Variants in UBE2W observed in about 807,000 individuals in gnomAD.
The protein encoded by UBE2W is ubiquitin-conjugating enzyme E2 W.
UBE2W carries 18 observed loss-of-function variants against 27.2 expected under a neutral mutation model. The observed-to-expected ratio is 0.66, with a 90% CI of 0.46 to 0.98. The LOEUF is 0.98. Ranked by LOEUF, UBE2W falls within the 50% of genes least tolerant of loss-of-function variation. The probability of loss-of-function intolerance (pLI) is 0.00; values close to 1 mark genes in which losing one functional copy is unlikely to be tolerated. For missense variants in UBE2W, 90 were observed against 180.2 expected, an observed-to-expected ratio of 0.50 and a Z score of 2.87; for synonymous variants, 53 against 57.2, an observed-to-expected ratio of 0.93 and a Z score of 0.33.
intron 3 of UBE2W, among the ~76,000 whole-genome samples, chr8:73,812,829 C>T (rs538879206): frequency 6.6e-6 from 1 of 151,808 alleles, no homozygotes; most frequent in Admixed American, 6.6e-5. Context: ...ATGGCGAAAA[C>T]CCGTCTCTAC....
chr8:73,865,310 A>C lies in UBE2W; in HGVS notation c.15+13498T>G, dbSNP rs984306825. On this transcript the variant is annotated intron_variant, in intron 1 of 5. Coordinates refer to ENST00000602593, the MANE Select transcript of UBE2W (RefSeq NM_018299.6). ...ATGAAGCCGGACCATAGAAACAATC[A>C]AGGTAACCTAAACTAATTGTTATAA... 3.5e-4 allele frequency among the ~76,000 whole-genome samples: 54 copies of C among 152,230 alleles called. 1 individual carries two copies. Among genetic ancestry groups the C allele is most frequent in the African/African-American group, 1.3e-3 (54 of 41,530 alleles).
chr8:73,790,289 G>A lies in UBE2W; in HGVS notation c.*3813C>T, dbSNP rs948265214. 1 of 985,210 alleles carries A rather than the reference G, an allele frequency of 1.0e-6. No individual in the cohort carries two copies. 61.0% of individuals were successfully genotyped at this position (985,210 alleles called of 1,614,324 possible). On this transcript the variant is annotated 3_prime_UTR_variant, in exon 6 of 6. Transcript: ENST00000602593. The stretch of plus-strand genomic sequence containing the variant: ...CAGAAAAATAGGAAGAAAAATAAAG[G>A]ACAGATTTAAAACAATTTAAAAAGG...
chr8:73,827,045 T>C (rs1444171929), intron 2 of UBE2W, among the ~76,000 whole-genome samples: 1 of 152,216 alleles, frequency 6.6e-6, no homozygotes, highest in African/African-American at 2.4e-5. Flanking sequence ...TCTGTTTATA[T>C]GGTAATTTTA....
intron 5 of UBE2W, among the ~76,000 whole-genome samples, chr8:73,804,555 C>CTT (rs57819629): frequency 8.2e-5 from 12 of 146,610 alleles, no homozygotes; most frequent in Admixed American, 2.1e-4. Flanking sequence ...CAGAATCTCA[C>CTT]TTTTTTTTTT....
At chr8:73,865,179 T>TAAAAAAAAA (rs1811698437) in intron 1 of UBE2W, among the ~76,000 whole-genome samples, 1 of 12,960 alleles carries the variant, frequency 7.7e-5, no homozygotes, top group African/African-American at 4.7e-4. Context: ...TGTGCAAACG[T>TAAAAAAAAA]CAAAAAAAAA....
At chr8:73,849,882 T>C (rs1318090120) in intron 1 of UBE2W, among the ~76,000 whole-genome samples, 1 of 152,154 alleles carries the variant, frequency 6.6e-6, no homozygotes, top group African/African-American at 2.4e-5. Flanking sequence ...GCTATGTTAA[T>C]ATCAAGTGAA....
chr8:73,805,879 C>T (rs942822902), intron 4 of UBE2W, among the ~76,000 whole-genome samples, 153 bp from the exon 5 acceptor site: 2 of 151,972 alleles, frequency 1.3e-5, no homozygotes, highest in South Asian at 4.2e-4. Flanking sequence ...AAATGTATTC[C>T]AGGAAATGTG....
chr8:73,787,020 C>G lies in UBE2W; in HGVS notation c.*7082G>C, dbSNP rs945159055. ...ACATTAAGTCCCTGAAGGCCAGATA[C>G]AGACATGAGAAGATATTTCCTACCT... On this transcript the variant is annotated 3_prime_UTR_variant, in exon 6 of 6. Transcript: ENST00000602593. 3.0e-6 allele frequency: 3 copies of G among 985,278 alleles called. No individual in the cohort carries two copies. Among genetic ancestry groups the G allele is most frequent in the Non-Finnish European group, 2.4e-6 (2 of 829,938 alleles). 61.0% of individuals were successfully genotyped at this position (985,278 alleles called of 1,614,324 possible). A position where few individuals can be genotyped will look rare whatever the true frequency, so the allele number is the denominator to read the frequency against.
At chr8:73,828,314 C>T (rs1001800944) in intron 2 of UBE2W, among the ~76,000 whole-genome samples, 2 of 152,106 alleles carry the variant, frequency 1.3e-5, no homozygotes, top group African/African-American at 4.8e-5. Flanking sequence ...GGATACATAC[C>T]AGTAAGGTCT....
intron 1 of UBE2W, among the ~76,000 whole-genome samples, chr8:73,876,778 G>C (rs1197448197): frequency 6.6e-6 from 1 of 152,182 alleles, no homozygotes; most frequent in African/African-American, 2.4e-5. Context: ...AGACCAGCCT[G>C]ACCAACATGA....
intron 1 of UBE2W, among the ~76,000 whole-genome samples, chr8:73,870,852 C>A (rs967555): frequency 0.096 from 13,908 of 144,194 alleles, 770 homozygotes; most frequent in Middle Eastern, 0.17. Flanking sequence ...AAAAAGGAAG[C>A]CATCCAGATC....
intron 2 of UBE2W, among the ~76,000 whole-genome samples, chr8:73,827,661 C>G (rs1174260695): frequency 6.6e-6 from 1 of 152,172 alleles, no homozygotes; most frequent in Admixed American, 6.5e-5. Flanking sequence ...TCCCAAGTAG[C>G]TGGGACCACA....
chr8:73,833,280 C>T (rs1405946440), intron 1 of UBE2W, among the ~76,000 whole-genome samples: 2 of 149,230 alleles, frequency 1.3e-5, no homozygotes, highest in East Asian at 3.9e-4. Flanking sequence ...CTAAAAGTAA[C>T]CCTTTATGCA....
At chr8:73,853,542 T>C (rs770932564) in intron 1 of UBE2W, among the ~76,000 whole-genome samples, 5 of 152,152 alleles carry the variant, frequency 3.3e-5, no homozygotes, top group Admixed American at 2.0e-4. Flanking sequence ...ATTAGAGATG[T>C]GAACCATTGC....
At position 73,786,240 on chromosome 8, in the gene UBE2W, T is replaced by C. The variant is rs1348172676; in HGVS notation, c.*7862A>G. On this transcript the variant is annotated 3_prime_UTR_variant, in exon 6 of 6. Transcript: ENST00000602593. ...CCAATGAAGAATGATTAATGATTTA[T>C]TTAAAAGTAGTTTTCTCAAACTCTC... is the stretch of plus-strand genomic sequence containing the variant. The C allele has an allele frequency of 1.0e-6, 1 of 985,312 alleles. No homozygotes were observed. Among genetic ancestry groups the C allele is most frequent in the Non-Finnish European group, 1.2e-6 (1 of 829,922 alleles). The allele number at this position is 985,312 out of a possible 1,614,324, so 61.0% of individuals were successfully genotyped here.
chr8:73,815,391 C>A (rs1194214464), intron 3 of UBE2W, among the ~76,000 whole-genome samples: 2 of 151,916 alleles, frequency 1.3e-5, no homozygotes, highest in Admixed American at 6.6e-5. Context: ...AAACAAAAAA[C>A]AAAAAACCTC....
At chr8:73,813,762 T>C (rs77159545) in intron 3 of UBE2W, among the ~76,000 whole-genome samples, 2 of 150,492 alleles carry the variant, frequency 1.3e-5, no homozygotes, top group Non-Finnish European at 3.0e-5. Flanking sequence ...TTTTTTTTTT[T>C]CTTTCCCCAG....
chr8:73,825,345 T>C, intron 2 of UBE2W, 96 bp from the exon 3 acceptor site: 1 of 792,992 alleles, frequency 1.3e-6, no homozygotes, highest in Non-Finnish European at 2.0e-6. Flanking sequence ...CACTAAGCAC[T>C]AGGACAAGAG....
intron 1 of UBE2W, among the ~76,000 whole-genome samples, chr8:73,849,691 A>G (rs984746533): frequency 6.6e-6 from 1 of 152,014 alleles, no homozygotes; most frequent in African/African-American, 2.4e-5. Flanking sequence ...CTATTATATT[A>G]CTCATTAAAA....
Sources: allele counts gnomAD v4.1 joint callset (sites outside exome capture counted in the v4.1 genomes callset), GRCh38; gene constraint gnomAD v4.1.1; transcripts MANE v1.5; gene names NCBI Gene and HGNC (gene_info 2026-07-23, HGNC 2026-07-21).